Variants in ADAM2 observed in about 807,000 individuals in gnomAD.
The protein encoded by ADAM2 is disintegrin and metalloproteinase domain-containing protein 2.
A neutral mutation model predicts 99.3 loss-of-function variants in ADAM2; 101 were observed. The observed-to-expected ratio is 1.02, with a 90% CI of 0.87 to 1.20. The LOEUF (loss-of-function observed/expected upper bound fraction) is 1.20. ADAM2 is among the 50% of genes most tolerant of loss of function. The probability of loss-of-function intolerance (pLI) is 0.00; values close to 1 mark genes in which losing one functional copy is unlikely to be tolerated. For synonymous variants in ADAM2, 323 were observed against 287.6 expected (o/e 1.12, Z -1.25); for missense variants, 948 against 878.7 (o/e 1.08, Z -1.00).
At chr8:39,789,390 C>A (rs973990501) in intron 7 of ADAM2, among the ~76,000 whole-genome samples, 2 of 151,744 alleles carry the variant, frequency 1.3e-5, no homozygotes, top group Non-Finnish European at 1.5e-5. Flanking sequence ...ATATCTATAG[C>A]ACATTTCACT....
intron 7 of ADAM2, among the ~76,000 whole-genome samples, chr8:39,799,124 G>A (rs1278249801): frequency 1.3e-5 from 2 of 151,970 alleles, no homozygotes; most frequent in Non-Finnish European, 2.9e-5. Context: ...TCTTTTAATT[G>A]TGATGTTAGA....
intron 14 of ADAM2, among the ~76,000 whole-genome samples, chr8:39,763,774 A>G (rs2129583938): frequency 6.6e-6 from 1 of 152,244 alleles, no homozygotes; most frequent in South Asian, 2.1e-4. Flanking sequence ...TCGGCAGTGA[A>G]GTAAAGAATC....
chr8:39,785,634 A>T (rs759990579), intron 10 of ADAM2, among the ~76,000 whole-genome samples: 2 of 152,146 alleles, frequency 1.3e-5, no homozygotes, highest in African/African-American at 2.4e-5. Context: ...TGTCTCTACC[A>T]AAAATACAAA....
At chr8:39,773,542 T>G (rs1586079431) in intron 11 of ADAM2, among the ~76,000 whole-genome samples, 2 of 151,914 alleles carry the variant, frequency 1.3e-5, no homozygotes, top group South Asian at 4.1e-4. Context: ...GAAACTCAAA[T>G]GATCAGTACC....
chr8:39,776,094 A>C (rs1003660903), intron 11 of ADAM2, among the ~76,000 whole-genome samples: 8 of 152,090 alleles, frequency 5.3e-5, no homozygotes, highest in African/African-American at 1.9e-4. Context: ...AACCAAAGAC[A>C]AGCCGTCTTG....
intron 11 of ADAM2, among the ~76,000 whole-genome samples, chr8:39,774,016 C>G (rs1802888831): frequency 6.6e-6 from 1 of 151,674 alleles, no homozygotes; most frequent in South Asian, 2.1e-4. Flanking sequence ...GCAGTTTATC[C>G]CAGAAAAGCA....
intron 5 of ADAM2, 27 bp downstream of exon 5, chr8:39,821,559 G>A (rs201031383): frequency 2.7e-6 from 4 of 1,457,240 alleles, no homozygotes; most frequent in Admixed American, 1.7e-5. Flanking sequence ...ATTTTATTTT[G>A]TAATTCATAA....
intron 7 of ADAM2, 64 bp from the exon 8 acceptor site, chr8:39,788,804 G>T (rs1183743183): frequency 3.5e-6 from 3 of 867,922 alleles, no homozygotes; most frequent in Non-Finnish European, 1.6e-6. Context: ...GATTGTTATT[G>T]TTTCATTTAA....
chr8:39,784,581 T>C (rs1189244544), intron 10 of ADAM2, among the ~76,000 whole-genome samples: 1 of 152,180 alleles, frequency 6.6e-6, no homozygotes, highest in African/African-American at 2.4e-5. Context: ...TCTTACTATG[T>C]TGCCCATGCT....
At chr8:39,837,942 G>C (rs1436368961) in intron 1 of ADAM2, among the ~76,000 whole-genome samples, 189 bp downstream of exon 1, 1 of 152,132 alleles carries the variant, frequency 6.6e-6, no homozygotes, top group Non-Finnish European at 1.5e-5. Flanking sequence ...TTTCCAGGAC[G>C]TGTGGGAAAG....
rs193042559 is a variant in ADAM2 at position 39,785,444 on chromosome 8, G to A, written c.891+1530C>T. 1.3e-4 allele frequency among the ~76,000 whole-genome samples: 20 copies of A among 152,284 alleles called. No individual in the cohort carries two copies. In the East Asian group the frequency reaches 2.7e-3, roughly 21 times the overall value. On this transcript the variant is annotated intron_variant, in intron 10 of 20. Transcript: ENST00000265708. ...GACTAGAATTAGTTCAGAAACTGTGGAAAGCAGTTTGGAGAGTTCTCAAAT... is the reference window on the plus strand; with the variant it reads ...GACTAGAATTAGTTCAGAAACTGTGAAAAGCAGTTTGGAGAGTTCTCAAAT...
At chr8:39,749,634 T>G in intron 17 of ADAM2, 33 bp downstream of exon 17, 1 of 1,572,184 alleles carries the variant, frequency 6.4e-7, no homozygotes, top group Non-Finnish European at 8.7e-7. Flanking sequence ...GGCTCAATGA[T>G]TTCTATTTTC....
chr8:39,774,804 G>A (rs1363819421), intron 11 of ADAM2: 1 of 151,980 alleles, frequency 6.6e-6, no homozygotes, highest in Admixed American at 6.6e-5. Flanking sequence ...AATCAACATT[G>A]TAAACAGCTA....
intron 7 of ADAM2, among the ~76,000 whole-genome samples, chr8:39,807,658 G>A (rs1003525461): frequency 2.0e-5 from 3 of 152,082 alleles, no homozygotes; most frequent in African/African-American, 7.2e-5. Flanking sequence ...CTGTAGGCTA[G>A]GAAGACAGCC....
chr8:39,750,222 C>T lies in ADAM2; in HGVS notation c.1798-478G>A, dbSNP rs949848908. Among the ~76,000 whole-genome samples, 9 of 151,844 alleles carry T rather than the reference C, an allele frequency of 5.9e-5. No individual in the cohort carries two copies. In the East Asian group the frequency reaches 9.7e-4, roughly 16 times the overall value. On this transcript the variant is annotated intron_variant, in intron 16 of 20. Coordinates refer to ENST00000265708, the MANE Select transcript of ADAM2 (RefSeq NM_001464.5). The stretch of plus-strand genomic sequence containing the variant: ...TTAAAATGATTCTACCATGGAAGAC[C>T]GTATTGAACCTTTGAGAAATCTAAA...
chr8:39,792,624 G>A (rs1230830512), intron 7 of ADAM2, among the ~76,000 whole-genome samples: 1 of 151,880 alleles, frequency 6.6e-6, no homozygotes, highest in African/African-American at 2.4e-5. Flanking sequence ...TTATATCTTG[G>A]TCAAGATCCT....
intron 19 of ADAM2, 39 bp from the exon 20 acceptor site, chr8:39,744,932 A>G (rs1823388732): frequency 1.3e-6 from 2 of 1,503,946 alleles, no homozygotes; most frequent in African/African-American, 2.8e-5. Flanking sequence ...TACTTTCTTC[A>G]AGATGATTTT....
At chr8:39,783,349 TG>T in intron 10 of ADAM2, among the ~76,000 whole-genome samples, 1 of 152,290 alleles carries the variant, frequency 6.6e-6, no homozygotes, top group Non-Finnish European at 1.5e-5. Context: ...TGAGGTAGGT[TG>T]TTTTTTTCCA....
chr8:39,766,596 C>A (rs1449285933), intron 14 of ADAM2, among the ~76,000 whole-genome samples: 1 of 151,972 alleles, frequency 6.6e-6, no homozygotes, highest in African/African-American at 2.4e-5. Context: ...TTAGTAGAGA[C>A]AGGTTTTTGT....
Sources: gnomAD v4.1 joint callset for allele counts (sites outside exome capture counted in the v4.1 genomes callset) on GRCh38, gnomAD v4.1.1 for gene constraint, MANE v1.5 for transcripts, NCBI Gene and HGNC (gene_info 2026-07-23, HGNC 2026-07-21) for gene names.